The following ARL8B variants were observed in gnomAD, a reference collection of about 807,000 sequenced individuals.
ARL8B encodes ADP-ribosylation factor-like protein 8B.
In ARL8B, 9 loss-of-function variants were observed where a neutral mutation model predicts 30.6. The ratio of observed to expected loss-of-function variants is 0.29; its 90% confidence interval spans 0.18 to 0.51. The LOEUF (loss-of-function observed/expected upper bound fraction) is 0.51, where lower values mean the gene tolerates loss of function less well. ARL8B is among the 20% of genes least tolerant of loss of function. The pLI is 0.97. For missense variants in ARL8B, 130 were observed against 227.2 expected (o/e 0.57, Z 2.75); for synonymous variants, 74 against 76.0 (o/e 0.97, Z 0.14).
chr3:5,129,656 C>G (rs1034148830), intron 1 of ARL8B, among the ~76,000 whole-genome samples: 1 of 152,052 alleles, frequency 6.6e-6, no homozygotes, highest in Admixed American at 6.6e-5. Context: ...AAGAGATCCC[C>G]CCACCATAGC....
At chr3:5,159,602 C>CAAAAAAAAAAAAAAAAAAA (rs71053495) in intron 1 of ARL8B, among the ~76,000 whole-genome samples, 2 of 77,058 alleles carry the variant, frequency 2.6e-5, no homozygotes, top group Non-Finnish European at 5.1e-5. Context: ...AACTCCGTCT[C>CAAAAAAAAAAAAAAAAAAA]AAAAAAAAAA....
chr3:5,144,147 A>G (rs1164250960), intron 1 of ARL8B, among the ~76,000 whole-genome samples: 3 of 152,206 alleles, frequency 2.0e-5, no homozygotes, highest in African/African-American at 7.2e-5. Context: ...GTCTGAATTA[A>G]TATTTTCCAC....
chr3:5,135,756 C>CTGT (rs1553578089), intron 1 of ARL8B, among the ~76,000 whole-genome samples: 5 of 126,910 alleles, frequency 3.9e-5, no homozygotes, highest in African/African-American at 1.4e-4. Context: ...CGCACCTGGC[C>CTGT]TATTATTATT....
rs1350323805 is a variant in ARL8B, at chr3:5,122,555, C to T, written c.90C>T (p.Tyr30=). The change falls in exon 1 of 7, where the codon TAC becomes TAT. Residue 30 remains tyrosine (Y), a synonymous_variant. Coordinates refer to ENST00000256496, the MANE Select transcript of ARL8B (RefSeq NM_018184.3). The stretch of plus-strand genomic sequence containing the variant: ...AGCTGACGCTCGTGGGGCTGCAGTA[C>T]TCGGGCAAGACCACCTTCGTCAATG... ...EMELTLVGLQ[Y]SGKTTFVNVI... The T allele has an allele frequency of 6.2e-7, 1 of 1,611,360 alleles. No individual in the cohort carries two copies. The highest frequency in any genetic ancestry group is 2.2e-5 in the East Asian group (1 of 44,746).
chr3:5,159,922 G>C (rs1032390648), intron 1 of ARL8B, among the ~76,000 whole-genome samples: 3 of 152,132 alleles, frequency 2.0e-5, no homozygotes, highest in Non-Finnish European at 1.5e-5. Flanking sequence ...TTTTATGTTA[G>C]AAACGCAAAC....
chr3:5,124,095 C>T (rs770909465), intron 1 of ARL8B, among the ~76,000 whole-genome samples: 1 of 152,040 alleles, frequency 6.6e-6, no homozygotes, highest in Non-Finnish European at 1.5e-5. Context: ...CTCAAAACTC[C>T]TGACCTCATG....
chr3:5,148,426 G>A (rs530229756), intron 1 of ARL8B, among the ~76,000 whole-genome samples: 24 of 152,156 alleles, frequency 1.6e-4, no homozygotes, highest in Non-Finnish European at 3.2e-4. Flanking sequence ...ATTTAAAGGA[G>A]CAGTTGGTTT....
intron 1 of ARL8B, among the ~76,000 whole-genome samples, chr3:5,130,073 A>G (rs1428927685): frequency 6.6e-6 from 1 of 152,104 alleles, no homozygotes; most frequent in Non-Finnish European, 1.5e-5. Flanking sequence ...CATGTTGGCA[A>G]GGCTGACCTC....
At chr3:5,173,591 G>A (rs924358853) in intron 4 of ARL8B, among the ~76,000 whole-genome samples, 1 of 152,106 alleles carries the variant, frequency 6.6e-6, no homozygotes, top group African/African-American at 2.4e-5. Context: ...TCAGCTGGGC[G>A]TGGTGGTGGG....
intron 1 of ARL8B, among the ~76,000 whole-genome samples, chr3:5,169,767 G>A (rs1401227848): frequency 6.6e-6 from 1 of 152,182 alleles, no homozygotes; most frequent in Non-Finnish European, 1.5e-5. Context: ...ATATGTGAAA[G>A]TCCTGAGAAT....
intron 1 of ARL8B, among the ~76,000 whole-genome samples, chr3:5,169,102 A>G (rs2054647992): frequency 1.3e-5 from 2 of 152,154 alleles, no homozygotes; most frequent in Admixed American, 6.5e-5. Context: ...AAATACATAA[A>G]ACACAAAGTA....
chr3:5,133,794 T>G (rs1227890451), intron 1 of ARL8B, among the ~76,000 whole-genome samples: 6 of 152,026 alleles, frequency 3.9e-5, no homozygotes, highest in Non-Finnish European at 8.8e-5. Context: ...AAAAATTAGC[T>G]GGATGTGCTG....
chr3:5,130,874 T>C (rs2054277110), intron 1 of ARL8B, among the ~76,000 whole-genome samples: 1 of 151,866 alleles, frequency 6.6e-6, no homozygotes, highest in East Asian at 1.9e-4. Flanking sequence ...AAGAATGAGG[T>C]TGCTTAAAAT....
At chr3:5,161,635 C>G (rs1057365197) in intron 1 of ARL8B, among the ~76,000 whole-genome samples, 2 of 152,148 alleles carry the variant, frequency 1.3e-5, no homozygotes, top group African/African-American at 4.8e-5. Context: ...CCTCTGCATT[C>G]TGATTGAGTA....
chr3:5,174,290 A>G lies in ARL8B; in HGVS notation c.441-54A>G, dbSNP rs1559287143. 1.8e-5 allele frequency: 23 copies of G among 1,262,032 alleles called. No homozygotes were observed. The South Asian group carries it at 2.2e-4, about 12-fold the overall frequency. 78.2% of individuals were successfully genotyped at this position (1,262,032 alleles called of 1,614,324 possible). A position where few individuals can be genotyped will look rare whatever the true frequency, so the allele number is the denominator to read the frequency against. ...CTAATGAGTAAAATTGAACAAAGTG[A>G]TAAGTATGACAGCTGTTCTAAGCAC... On this transcript the variant is annotated intron_variant, in intron 5 of 6. Transcript: ENST00000256496.
At chr3:5,178,576 C>A in intron 6 of ARL8B, 88 bp from the exon 7 acceptor site, 1 of 1,320,766 alleles carries the variant, frequency 7.6e-7, no homozygotes, top group Non-Finnish European at 1.1e-6. Context: ...ATAGTGTGTG[C>A]CTTGAATTAG....
At chr3:5,164,565 T>C (rs930765025) in intron 1 of ARL8B, among the ~76,000 whole-genome samples, 1 of 152,212 alleles carries the variant, frequency 6.6e-6, no homozygotes, top group Admixed American at 6.5e-5. Flanking sequence ...CTTACAGCAT[T>C]CAATTTTCTG....
intron 1 of ARL8B, among the ~76,000 whole-genome samples, chr3:5,168,209 G>A (rs1476072631): frequency 6.6e-6 from 1 of 152,064 alleles, no homozygotes; most frequent in Non-Finnish European, 1.5e-5. Context: ...TAGTAGCTGG[G>A]ACTACAGGTG....
intron 1 of ARL8B, among the ~76,000 whole-genome samples, chr3:5,130,808 C>T (rs977266427): frequency 1.1e-4 from 17 of 152,176 alleles, no homozygotes; most frequent in African/African-American, 3.1e-4. Context: ...TGAGCCACCA[C>T]GCCCAGCCTA....
Sources: gnomAD v4.1 joint callset for allele counts (sites outside exome capture counted in the v4.1 genomes callset) on GRCh38, gnomAD v4.1.1 for gene constraint, MANE v1.5 for transcripts, NCBI Gene and HGNC (gene_info 2026-07-23, HGNC 2026-07-21) for gene names.